Variants in TENM3 observed in about 807,000 individuals in gnomAD.
TENM3 encodes the protein teneurin transmembrane protein 3.
TENM3 carries 63 observed loss-of-function variants against 255.1 expected under a neutral mutation model. The ratio of observed to expected loss-of-function variants is 0.25; its 90% CI spans 0.20 to 0.30. The LOEUF (loss-of-function observed/expected upper bound fraction) is 0.30, where lower values mean the gene tolerates loss of function less well. TENM3 is among the 10% of genes least tolerant of loss of function. The pLI is 1.00. For synonymous variants in TENM3, 1,306 were observed against 1,322.3 expected (o/e 0.99, Z 0.27); for missense variants, 2,929 against 3,461.1 (o/e 0.85, Z 3.86).
intron 1 of TENM3, among the ~76,000 whole-genome samples, chr4:182,215,881 C>T (rs1440582968): frequency 2.0e-5 from 3 of 152,152 alleles, no homozygotes; most frequent in Non-Finnish European, 4.4e-5. Context: ...TCAGGACTCC[C>T]CTATGAAAAC....
intron 4 of TENM3, among the ~76,000 whole-genome samples, chr4:182,617,837 G>A (rs891064346): frequency 2.6e-5 from 4 of 152,112 alleles, no homozygotes; most frequent in African/African-American, 7.2e-5. Context: ...GTCCAAGAAA[G>A]AATATAAGAG....
the TENM3 span, among the ~76,000 whole-genome samples, chr4:181,999,046 G>A: frequency 2.6e-5 from 4 of 152,252 alleles, no homozygotes; most frequent in Middle Eastern, 3.4e-3. Flanking sequence ...AGTGCTAGTC[G>A]CTATTCTGGT....
At chr4:182,796,866 G>C (rs924823357) in intron 27 of TENM3, 99 bp downstream of exon 27, 8 of 954,096 alleles carry the variant, frequency 8.4e-6, no homozygotes, top group African/African-American at 5.1e-5. Context: ...ACCAAAGACA[G>C]TTTTTAACTT....
At chr4:181,494,839 C>A in the TENM3 span, among the ~76,000 whole-genome samples, 1 of 152,104 alleles carries the variant, frequency 6.6e-6, no homozygotes, top group Non-Finnish European at 1.5e-5. Context: ...AATTAAAATT[C>A]ATTAATAGGT....
intron 1 of TENM3, among the ~76,000 whole-genome samples, chr4:182,198,502 T>C (rs1405905701): frequency 1.3e-5 from 2 of 152,192 alleles, no homozygotes; most frequent in Non-Finnish European, 2.9e-5. Context: ...CTTCCAGGTA[T>C]TGGGGTGAAC....
chr4:182,132,835 T>C, the TENM3 span, among the ~76,000 whole-genome samples: 1 of 152,210 alleles, frequency 6.6e-6, no homozygotes, highest in African/African-American at 2.4e-5. Context: ...GTTTGGGCTC[T>C]GGAAAAAGTG....
rs575162730 is a variant in TENM3, at chr4:182,321,646, A to G, written c.-75-2300A>G. 1.1e-4 allele frequency among the ~76,000 whole-genome samples: 16 copies of G among 149,148 alleles called. No individual in the cohort carries two copies. The South Asian group carries it at 3.2e-3, about 30-fold the overall frequency. On this transcript the variant is annotated intron_variant, in intron 1 of 27. Coordinates refer to ENST00000511685, the MANE Select transcript of TENM3 (RefSeq NM_001080477.4). ...GTCTCAAAATAATAATAATAATAAT[A>G]ATAAAATAACTTCTCTTGGCCGGGA... is the stretch of plus-strand genomic sequence containing the variant.
At chr4:181,933,905 G>T in the TENM3 span, among the ~76,000 whole-genome samples, 1 of 152,078 alleles carries the variant, frequency 6.6e-6, no homozygotes, top group African/African-American at 2.4e-5. Context: ...TGAAATTAAG[G>T]TGTATGGGAT....
At chr4:182,442,146 T>G (rs1315316316) in intron 3 of TENM3, among the ~76,000 whole-genome samples, 1 of 152,130 alleles carries the variant, frequency 6.6e-6, no homozygotes, top group East Asian at 1.9e-4. Flanking sequence ...ACTTCCTCTA[T>G]CCACAATGAT....
the TENM3 span, among the ~76,000 whole-genome samples, chr4:181,602,488 G>A: frequency 6.6e-6 from 1 of 152,110 alleles, no homozygotes; most frequent in African/African-American, 2.4e-5. Context: ...AGTCATTAGT[G>A]ACAAGTTTTA....
intron 1 of TENM3, among the ~76,000 whole-genome samples, chr4:182,148,560 T>C (rs1750117155): frequency 6.6e-6 from 1 of 152,124 alleles, no homozygotes. Flanking sequence ...GTAACTGTAA[T>C]CCATCTAGGT....
At chr4:181,912,719 C>A in the TENM3 span, among the ~76,000 whole-genome samples, 4 of 149,138 alleles carry the variant, frequency 2.7e-5, no homozygotes, top group Non-Finnish European at 5.9e-5. Context: ...TTGCAATGAT[C>A]TGAGATCATG....
rs1763698112 is a variant in TENM3 at position 182,330,800 on chromosome 4, A to T, written c.232+6548A>T. Among the ~76,000 whole-genome samples, 3 of 152,240 alleles carry T rather than the reference A, an allele frequency of 2.0e-5. 1 individual carries two copies. In the South Asian group the frequency reaches 6.2e-4, roughly 31 times the overall value. ...AATCTCAAACGATGATTACAGAGCA[A>T]CTGGAAATGTGTCAGAAGCACTACA... On this transcript the variant is annotated intron_variant, in intron 2 of 27. Coordinates refer to ENST00000511685, the MANE Select transcript of TENM3 (RefSeq NM_001080477.4).
At chr4:181,984,142 G>A in the TENM3 span, among the ~76,000 whole-genome samples, 5 of 151,708 alleles carry the variant, frequency 3.3e-5, no homozygotes, top group African/African-American at 7.3e-5. Flanking sequence ...AATCCTCCTC[G>A]GTTCTTTGCA....
At chr4:182,775,982 T>G (rs946324950) in intron 24 of TENM3, among the ~76,000 whole-genome samples, 2 of 148,888 alleles carry the variant, frequency 1.3e-5, no homozygotes, top group Admixed American at 6.8e-5. Flanking sequence ...AGATAGATTA[T>G]ATATATATAG....
At chr4:181,838,857 T>C in the TENM3 span, among the ~76,000 whole-genome samples, 2 of 152,060 alleles carry the variant, frequency 1.3e-5, no homozygotes, top group South Asian at 4.1e-4. Flanking sequence ...TTCTCTCCTT[T>C]TGTTTTCATT....
At chr4:182,145,694 C>T (rs895960841) in intron 1 of TENM3, among the ~76,000 whole-genome samples, 3 of 152,126 alleles carry the variant, frequency 2.0e-5, no homozygotes, top group African/African-American at 7.2e-5. Context: ...GAAAAGTTTC[C>T]AGGTACGTGT....
chr4:182,760,701 A>G (rs2152764786), intron 22 of TENM3, among the ~76,000 whole-genome samples: 1 of 152,244 alleles, frequency 6.6e-6, no homozygotes, highest in Non-Finnish European at 1.5e-5. Flanking sequence ...CCGGCTTCTC[A>G]TTTGGGTGGT....
rs11354411 is a variant in TENM3 at position 182,552,025 on chromosome 4, CAA to C, written c.512-48883_512-48882del. 1.9e-3 allele frequency among the ~76,000 whole-genome samples: 204 copies of C among 108,624 alleles called. 1 individual carries two copies. Among genetic ancestry groups the C allele is most frequent in the Middle Eastern group, 4.7e-3 (1 of 214 alleles). 71.3% of individuals were successfully genotyped at this position (108,624 alleles called of 152,430 possible). A position where few individuals can be genotyped will look rare whatever the true frequency, so the allele number is the denominator to read the frequency against. ...GGGGTGACAGAGCAAGACCCTGTCTCAAAAAAAAAAAAAAAAAGTTAAATGAT... is the reference window on the plus strand; with the variant it reads ...GGGGTGACAGAGCAAGACCCTGTCTCAAAAAAAAAAAAAAAGTTAAATGAT... On this transcript the variant is annotated intron_variant, in intron 3 of 27. Transcript: ENST00000511685.
Sources: gnomAD v4.1 joint callset for allele counts (sites outside exome capture counted in the v4.1 genomes callset) on GRCh38, gnomAD v4.1.1 for gene constraint, MANE v1.5 for transcripts, NCBI Gene and HGNC (gene_info 2026-07-23, HGNC 2026-07-21) for gene names.